TET1: variants seen among roughly 807,000 people sequenced by gnomAD.
The protein encoded by TET1 is methylcytosine dioxygenase TET1.
In TET1, 13 loss-of-function variants were observed where a neutral mutation model predicts 148.7. The observed-to-expected ratio is 0.09, with a 90% CI of 0.06 to 0.14. The LOEUF is 0.14. TET1 is among the 10% of genes least tolerant of loss of function. The pLI, the probability that TET1 is intolerant of heterozygous loss-of-function variation, is 1.00. For synonymous variants in TET1, 907 were observed against 937.2 expected (o/e 0.97, Z 0.59); for missense variants, 2,182 against 2,553.8 (o/e 0.85, Z 3.14).
intron 3 of TET1, among the ~76,000 whole-genome samples, chr10:68,606,224 A>T (rs1296806842): frequency 6.6e-6 from 1 of 151,364 alleles, no homozygotes; most frequent in South Asian, 2.1e-4. Context: ...AATATTCGCC[A>T]GGTGTGGTGG....
At chr10:68,581,516 A>T (rs1166184573) in intron 2 of TET1, among the ~76,000 whole-genome samples, 1 of 152,182 alleles carries the variant, frequency 6.6e-6, no homozygotes, top group Admixed American at 6.6e-5. Context: ...CTACACTTTC[A>T]CAAGTAATTT....
intron 3 of TET1, among the ~76,000 whole-genome samples, chr10:68,613,562 C>T (rs2054246919): frequency 6.6e-6 from 1 of 152,068 alleles, no homozygotes; most frequent in African/African-American, 2.4e-5. Flanking sequence ...AAAAGAATGC[C>T]TTAATCATTG....
intron 2 of TET1, among the ~76,000 whole-genome samples, chr10:68,582,100 T>A (rs1255166742): frequency 1.1e-5 from 1 of 91,046 alleles, no homozygotes; most frequent in Non-Finnish European, 2.3e-5. Flanking sequence ...ATGACACTAT[T>A]TTTTTTTTTT....
intron 3 of TET1, among the ~76,000 whole-genome samples, chr10:68,635,451 T>G (rs1364711913): frequency 6.6e-6 from 1 of 151,940 alleles, no homozygotes; most frequent in Non-Finnish European, 1.5e-5. Context: ...CAACCTACAG[T>G]TTATAGGAAT....
At chr10:68,579,936 T>C (rs979585948) in intron 2 of TET1, among the ~76,000 whole-genome samples, 3 of 151,944 alleles carry the variant, frequency 2.0e-5, no homozygotes, top group Admixed American at 6.6e-5. Flanking sequence ...CTTCTTCTTT[T>C]TTTTTTTTTC....
chr10:68,639,282 T>C (rs2054702592), intron 3 of TET1, among the ~76,000 whole-genome samples: 1 of 151,584 alleles, frequency 6.6e-6, no homozygotes, highest in African/African-American at 2.4e-5. Context: ...TTTAGTTGGG[T>C]GTGGTCCTGT....
chr10:68,572,475 C>G lies in TET1; in HGVS notation c.137C>G (p.Pro46Arg), dbSNP rs1183361622. 1 of 1,613,850 alleles carries G rather than the reference C, an allele frequency of 6.2e-7. No homozygotes were observed. The highest frequency in any genetic ancestry group is 8.5e-7 in the Non-Finnish European group (1 of 1,180,024). The change falls in exon 2 of 12, where the codon CCT becomes CGT. Residue 46 changes from proline to arginine, a missense_variant. Around this residue, in one of 11 missense-constraint regions of TET1, gnomAD observed 665 missense variants for 672.4 expected, o/e 0.99. Coordinates refer to ENST00000373644, the MANE Select transcript of TET1 (RefSeq NM_030625.3). ...GTGGCATCAGTCAAGACTTTAAGCC[C>G]TGGAAAATTAAAGCAATTAATTCAA... is the stretch of plus-strand genomic sequence containing the variant. ...KNVASVKTLS[P>R]GKLKQLIQER...
At chr10:68,610,316 G>T (rs2054188658) in intron 3 of TET1, among the ~76,000 whole-genome samples, 1 of 151,290 alleles carries the variant, frequency 6.6e-6, no homozygotes, top group Admixed American at 6.6e-5. Flanking sequence ...CAGGCATGGT[G>T]ACTTATGCCT....
At chr10:68,633,719 C>T (rs184989554) in intron 3 of TET1, among the ~76,000 whole-genome samples, 15 of 152,290 alleles carry the variant, frequency 9.8e-5, no homozygotes, top group African/African-American at 2.9e-4. Context: ...GCATGAGCCA[C>T]GGTGCCCAGC....
intron 10 of TET1, among the ~76,000 whole-genome samples, chr10:68,685,061 C>T (rs1180214757): frequency 6.6e-6 from 1 of 151,662 alleles, no homozygotes; most frequent in East Asian, 1.9e-4. Context: ...TTGAGTGTAG[C>T]CTGGGCAACT....
intron 7 of TET1, among the ~76,000 whole-genome samples, chr10:68,667,743 CA>C (rs71474424): frequency 0.016 from 1,841 of 118,004 alleles, 33 homozygotes; most frequent in African/African-American, 0.053. Flanking sequence ...GACTCCATCT[CA>C]AAAAAAAAAA....
chr10:68,648,756 G>A (rs1306491143), intron 4 of TET1, among the ~76,000 whole-genome samples: 1 of 152,116 alleles, frequency 6.6e-6, no homozygotes, highest in African/African-American at 2.4e-5. Flanking sequence ...TCTGCTCATT[G>A]TTCAATACAC....
chr10:68,591,318 A>C (rs939935217), intron 2 of TET1, among the ~76,000 whole-genome samples: 3 of 152,066 alleles, frequency 2.0e-5, no homozygotes, highest in African/African-American at 7.2e-5. Flanking sequence ...TTTCTATCTG[A>C]GTTATGTTCC....
In TET1 at chr10:68,573,181, G is replaced by A. The variant is rs778934587; in HGVS notation, c.843G>A (p.Lys281=). 1.2e-6 allele frequency: 2 copies of A among 1,614,114 alleles called. No individual in the cohort carries two copies. Among genetic ancestry groups the A allele is most frequent in the Non-Finnish European group, 1.7e-6 (2 of 1,180,008 alleles). Residue 281 remains lysine, a synonymous_variant, in exon 2 of 12, where the codon AAG becomes AAA. Coordinates refer to ENST00000373644, the MANE Select transcript of TET1 (RefSeq NM_030625.3). ...EELGSRVESL[K]LSDSYLDPIK... ...TGGGTTCACGAGTAGAATCTCTTAA[G>A]TTATCTGATTCTTACCTGGATCCCA...
chr10:68,587,880 T>C (rs1055347860), intron 2 of TET1, among the ~76,000 whole-genome samples: 16 of 152,128 alleles, frequency 1.1e-4, no homozygotes, highest in African/African-American at 3.9e-4. Flanking sequence ...CTTGTTGTTT[T>C]TGTTTTGTTT....
chr10:68,610,897 C>T (rs1453747188), intron 3 of TET1, among the ~76,000 whole-genome samples: 1 of 152,230 alleles, frequency 6.6e-6, no homozygotes, highest in East Asian at 1.9e-4. Flanking sequence ...CTCAAGCAAA[C>T]CCAAAGTACT....
At chr10:68,602,666 G>A (rs532444296) in intron 3 of TET1, among the ~76,000 whole-genome samples, 12 of 152,276 alleles carry the variant, frequency 7.9e-5, no homozygotes, top group Admixed American at 1.3e-4. Flanking sequence ...TTGGAATCAC[G>A]GTAGTGGACT....
chr10:68,577,388 T>C (rs1311759206), intron 2 of TET1, among the ~76,000 whole-genome samples: 1 of 152,206 alleles, frequency 6.6e-6, no homozygotes, highest in East Asian at 1.9e-4. Context: ...TTAAAAATGC[T>C]GATTTTGGCT....
intron 3 of TET1, among the ~76,000 whole-genome samples, chr10:68,624,657 T>TC (rs1491223528): frequency 1.3e-4 from 8 of 61,190 alleles, no homozygotes; most frequent in Admixed American, 9.2e-4. Flanking sequence ...TCTTTCTTTC[T>TC]TTCTCTCTCT....
Sources: allele counts gnomAD v4.1 joint callset (sites outside exome capture counted in the v4.1 genomes callset), GRCh38; gene constraint gnomAD v4.1.1; regional missense constraint gnomAD v4.1.1; transcripts MANE v1.5; gene names NCBI Gene and HGNC (gene_info 2026-07-23, HGNC 2026-07-21).